The following COMP variants were observed in gnomAD, a reference collection of about 807,000 sequenced individuals.
COMP encodes cartilage oligomeric matrix protein (pseudoachondroplasia, epiphyseal dysplasia 1, multiple).
A neutral mutation model predicts 95.8 loss-of-function variants in COMP; 79 were observed. That is an observed-to-expected ratio of 0.82 (90% CI 0.69 to 0.99). The LOEUF (loss-of-function observed/expected upper bound fraction) is 0.99. COMP is among the 50% of genes least tolerant of loss of function. The probability of loss-of-function intolerance (pLI) is 0.00; values close to 1 mark genes in which losing one functional copy is unlikely to be tolerated. For synonymous variants in COMP, 438 were observed against 433.9 expected (o/e 1.01, Z -0.12); for missense variants, 906 against 1,076.1 (o/e 0.84, Z 2.21).
rs1437663176 is a variant in COMP at position 18,784,071 on chromosome 19, G to C, written c.2087+120C>G. ...AGCATAGGCTCATTCTAACTGCCCT[G>C]TATCTTTCCTATCGTACAGATGAGG... On this transcript the variant is annotated intron_variant, in intron 17 of 18. Coordinates refer to ENST00000222271, the MANE Select transcript of COMP (RefSeq NM_000095.3). This position sits in a 1 kb window ranked among gnomAD's most constrained non-coding sequence, Gnocchi z 4.9. 5.2e-6 allele frequency: 6 copies of C among 1,146,706 alleles called. No homozygotes were observed. In the African/African-American group the frequency reaches 9.1e-5, roughly 17 times the overall value. 71.0% of individuals were successfully genotyped at this position (1,146,706 alleles called of 1,614,324 possible).
At position 18,784,449 on chromosome 19, in the gene COMP, A is replaced by G; in HGVS notation, c.1915-86T>C. 6.5e-7 allele frequency: 1 copy of G among 1,536,336 alleles called. No individual in the cohort carries two copies. Among genetic ancestry groups the G allele is most frequent in the Non-Finnish European group, 8.9e-7 (1 of 1,117,378 alleles). On this transcript the variant is annotated intron_variant, in intron 16 of 18. Transcript: ENST00000222271. This position sits in a 1 kb window ranked among gnomAD's most constrained non-coding sequence, Gnocchi z 4.9. ...CCTTCCTGGAGAGACAGTTGGGAGCAGCAGGTGGTGGGCGGCCAGGGGGAT... is the reference window on the plus strand; with the variant it reads ...CCTTCCTGGAGAGACAGTTGGGAGCGGCAGGTGGTGGGCGGCCAGGGGGAT...
At position 18,783,147 on chromosome 19, in the gene COMP, C is replaced by G. The variant is rs747790659; in HGVS notation, c.2134G>C (p.Val712Leu). The change falls in exon 18 of 19, where the codon GTC (valine) becomes CTC (leucine). Residue 712 changes from valine (V) to leucine (L), a missense_variant. Val to Leu is a conservative substitution (Grantham distance 32). Transcript: ENST00000222271. Reference protein sequence around the residue: ...GPELVADSNVVLDTTMRGGRL... With the variant: ...GPELVADSNVLLDTTMRGGRL... ...CCACCCCGCATGGTTGTGTCCAAGA[C>G]CACGTTGCTGTCGGCCACCAGCTCA... 1.9e-6 allele frequency: 3 copies of G among 1,610,564 alleles called. No individual in the cohort carries two copies. The highest frequency in any genetic ancestry group is 2.7e-5 in the African/African-American group (2 of 75,070).
chr19:18,790,053 G>C lies in COMP; in HGVS notation c.279C>G (p.Pro93=), dbSNP rs139319996. ...AGGCCACGCCGGGGAAGCAGAAGCC[G>C]GGCGCGCAGTGGAGCAGGGGCCGCA... The part of the protein sequence containing the change: ...PSVRPLLHCA[P]GFCFPGVACI... The change falls in exon 4 of 19, where the codon CCC becomes CCG. Residue 93 remains proline, a synonymous_variant. Coordinates refer to ENST00000222271, the MANE Select transcript of COMP (RefSeq NM_000095.3). 9 of 1,559,636 alleles carry C rather than the reference G, an allele frequency of 5.8e-6. No individual in the cohort carries two copies. The highest frequency in any genetic ancestry group is 4.1e-5 in the African/African-American group (3 of 73,932).
intron 17 of COMP, among the ~76,000 whole-genome samples, chr19:18,783,964 C>T (rs1305283624): frequency 6.6e-6 from 1 of 152,126 alleles, no homozygotes; most frequent in Non-Finnish European, 1.5e-5. Context: ...CAGGCTGCCT[C>T]GAACTCCTGG....
In COMP at chr19:18,791,203, G is replaced by A. The variant is rs1461289752; in HGVS notation, c.67C>T (p.Gln23Ter). Residue 23 changes from glutamine to a stop codon, truncating the protein, a stop_gained, in exon 1 of 19, where the codon CAG becomes TAG. Transcript: ENST00000222271. LOFTEE classifies it high-confidence loss of function. ...TAACGCGGCTTACCCAACGGGCTCT[G>A]GCCCTGTCCGGACGCGCCGAGGGCA... is the stretch of plus-strand genomic sequence containing the variant. ...LAALGASGQGQSPLGSDLGPQ... is the reference protein window; with the variant it reads ...LAALGASGQG The A allele has an allele frequency of 6.3e-7, 1 of 1,588,848 alleles. No individual in the cohort carries two copies.
chr19:18,787,184 A>G (rs2055173530), intron 10 of COMP: 2 of 506,510 alleles, frequency 3.9e-6, no homozygotes, highest in Admixed American at 6.5e-5. Flanking sequence ...CTGAGCCCCT[A>G]TGTCCCCATC....
intron 17 of COMP, among the ~76,000 whole-genome samples, chr19:18,783,893 A>G (rs2055145047): frequency 6.6e-6 from 1 of 152,156 alleles, no homozygotes; most frequent in African/African-American, 2.4e-5. Context: ...TACAGGCATG[A>G]GCCACTGCGC....
In COMP at chr19:18,785,027, C is replaced by T. The variant is rs1373759110; in HGVS notation, c.1783G>A (p.Asp595Asn). The T allele has an allele frequency of 3.7e-6, 6 of 1,614,108 alleles. No individual in the cohort carries two copies. The highest frequency in any genetic ancestry group is 5.1e-6 in the Non-Finnish European group (6 of 1,180,006). The change falls in exon 16 of 19, where the codon GAC (aspartate) becomes AAC (asparagine). Residue 595 changes from aspartate (D) to asparagine (N), a missense_variant. Coordinates refer to ENST00000222271, the MANE Select transcript of COMP (RefSeq NM_000095.3). ...TFHVNTVTDD[D>N]YAGFIFGYQD... ...TAGCCAAAGATGAAGCCCGCATAGTCGTCATCCGTGACCGTGTTCACATGG... is the reference window on the plus strand; with the variant it reads ...TAGCCAAAGATGAAGCCCGCATAGTTGTCATCCGTGACCGTGTTCACATGG...
chr19:18,787,989 C>T, intron 9 of COMP, among the ~76,000 whole-genome samples: 1 of 151,132 alleles, frequency 6.6e-6, no homozygotes, highest in Non-Finnish European at 1.5e-5. Context: ...CTGCAACCTC[C>T]GCCTCCCGGG....
intron 11 of COMP, 81 bp from the exon 12 acceptor site, chr19:18,786,372 A>G: frequency 6.2e-7 from 1 of 1,601,990 alleles, no homozygotes. Context: ...CGCACAGCCA[A>G]GGTCCTCCTG....
intron 17 of COMP, among the ~76,000 whole-genome samples, chr19:18,783,723 C>T (rs1221871728): frequency 6.6e-6 from 1 of 151,958 alleles, no homozygotes; most frequent in Non-Finnish European, 1.5e-5. Flanking sequence ...GATTCTTCTG[C>T]CTCAGCCTCC....
intron 17 of COMP, among the ~76,000 whole-genome samples, chr19:18,783,750 C>G (rs1301213983): frequency 6.6e-6 from 1 of 152,112 alleles, no homozygotes; most frequent in African/African-American, 2.4e-5. Flanking sequence ...GCCGGGATGA[C>G]AGGGCCCCGC....
Position 18,788,392 on chromosome 19 carries a change from C to CCCA in COMP, c.867+17_867+18insTGG. ...CCCTCCCTCCTGCCCAAGCCCGCCC[C>CCCA]GCTCCGCCCCCACCCACCTTACGGC... On this transcript the variant is annotated intron_variant, in intron 8 of 18. Transcript: ENST00000222271. The surrounding 1 kb of genome is among the most constrained non-coding windows in gnomAD (Gnocchi z 4.7). The CCCA allele has an allele frequency of 4.4e-6, 7 of 1,578,464 alleles. No homozygotes were observed. Among genetic ancestry groups the CCCA allele is most frequent in the Non-Finnish European group, 6.1e-6 (7 of 1,153,390 alleles).
chr19:18,790,829 C>T (rs2055207684), intron 2 of COMP, 21 bp downstream of exon 2: 2 of 1,554,104 alleles, frequency 1.3e-6, no homozygotes, highest in African/African-American at 1.4e-5. Context: ...GCACTCCCTG[C>T]CCCGCACCCG....
chr19:18,782,778 G>T lies in COMP; in HGVS notation c.*137C>A. On this transcript the variant is annotated 3_prime_UTR_variant, in exon 19 of 19. Transcript: ENST00000222271. The stretch of plus-strand genomic sequence containing the variant: ...GCAAAAACCACAGCCGCCACTCCCT[G>T]CACACACACTTTATTTTGTCCTCTC... 1 of 1,009,846 alleles carries T rather than the reference G, an allele frequency of 9.9e-7. No individual in the cohort carries two copies. The highest frequency in any genetic ancestry group is 1.5e-6 in the Non-Finnish European group (1 of 668,666). The allele number at this position is 1,009,846 out of a possible 1,614,324, so 62.6% of individuals were successfully genotyped here. A position where few individuals can be genotyped will look rare whatever the true frequency, so the allele number is the denominator to read the frequency against.
In COMP at chr19:18,791,224, G is replaced by T; in HGVS notation, c.46C>A (p.Leu16Ile). Residue 16 changes from leucine (L) to isoleucine (I), a missense_variant, in exon 1 of 19, where the codon CTC becomes ATC. Coordinates refer to ENST00000222271, the MANE Select transcript of COMP (RefSeq NM_000095.3). ...CTCTGGCCCTGTCCGGACGCGCCGA[G>T]GGCAGCCAGGGTGAGCAGAAGAACG... Reference protein sequence around the residue: ...ACVLLLTLAALGASGQGQSPL... With the variant: ...ACVLLLTLAAIGASGQGQSPL... 1 of 1,596,670 alleles carries T rather than the reference G, an allele frequency of 6.3e-7. No homozygotes were observed. Among genetic ancestry groups the T allele is most frequent in the East Asian group, 2.3e-5 (1 of 44,234 alleles).
At chr19:18,786,762 G>GTTTTTTT in intron 10 of COMP, 112 bp from the exon 11 acceptor site, 2 of 289,938 alleles carry the variant, frequency 6.9e-6, no homozygotes, top group South Asian at 2.7e-5. Flanking sequence ...CTTCATGGAA[G>GTTTTTTT]CTTTTTTTTT....
In COMP at chr19:18,782,908, C is replaced by T. The variant is rs191758256; in HGVS notation, c.*7G>A. The T allele has an allele frequency of 2.6e-5, 42 of 1,611,226 alleles. No homozygotes were observed. The highest frequency in any genetic ancestry group is 3.4e-5 in the Non-Finnish European group (40 of 1,179,978). On this transcript the variant is annotated 3_prime_UTR_variant, in exon 19 of 19. Transcript: ENST00000222271. ...GGCTGTCATCCGGCGGGTCCTCACC[C>T]TGGTCCCTAGGCTTGCCGCAGCTGA...
rs1433913683 is a variant in COMP, at chr19:18,789,807, T to A, written c.390+135A>T. 8.7e-7 allele frequency: 1 copy of A among 1,150,492 alleles called. No individual in the cohort carries two copies. Among genetic ancestry groups the A allele is most frequent in the Non-Finnish European group, 1.3e-6 (1 of 797,558 alleles). 71.3% of individuals were successfully genotyped at this position (1,150,492 alleles called of 1,614,324 possible). ...GTCCCCCCGCGGTAAGGAGGTAGTC[T>A]GGCCGTGCGCCCCCGGAGGTGAGAG... On this transcript the variant is annotated intron_variant, in intron 4 of 18. Coordinates refer to ENST00000222271, the MANE Select transcript of COMP (RefSeq NM_000095.3). This position sits in a 1 kb window ranked among gnomAD's most constrained non-coding sequence, Gnocchi z 6.1.
Sources: allele counts gnomAD v4.1 joint callset (sites outside exome capture counted in the v4.1 genomes callset), GRCh38; gene constraint gnomAD v4.1.1; non-coding constraint Gnocchi (gnomAD v3.1); transcripts MANE v1.5; gene names NCBI Gene and HGNC (gene_info 2026-07-23, HGNC 2026-07-21).